The following BCDIN3D variants were observed in gnomAD, a reference collection of about 807,000 sequenced individuals.
BCDIN3D encodes BCDIN3 domain containing RNA methyltransferase.
A neutral mutation model predicts 21.2 loss-of-function variants in BCDIN3D; 15 were observed. That is an observed-to-expected ratio of 0.71 (90% CI 0.47 to 1.09). BCDIN3D has a LOEUF of 1.09. Ranked by LOEUF, BCDIN3D falls within the 50% of genes least tolerant of loss-of-function variation. The pLI is 0.00. For synonymous variants in BCDIN3D, 127 were observed against 141.9 expected (o/e 0.90, Z 0.75); for missense variants, 331 against 366.2 (o/e 0.90, Z 0.79).
intron 1 of BCDIN3D, chr12:49,839,657 T>A (rs566645690): frequency 1.3e-5 from 2 of 152,392 alleles, no homozygotes; most frequent in South Asian, 2.1e-4. Flanking sequence ...CATTAGCACC[T>A]TTTTTACTCT....
intron 1 of BCDIN3D, among the ~76,000 whole-genome samples, chr12:49,841,780 G>GT (rs1200917722): frequency 6.6e-6 from 1 of 152,142 alleles, no homozygotes; most frequent in Admixed American, 6.5e-5. Flanking sequence ...GGACAGCAAC[G>GT]TAACAGAATT....
chr12:49,842,536 A>C (rs865886870), intron 1 of BCDIN3D: 15 of 345,094 alleles, frequency 4.3e-5, no homozygotes, highest in Middle Eastern at 1.6e-3. Context: ...TGTCTCTGGA[A>C]GCCCCCTCTC....
rs769589383 is a variant in BCDIN3D, at chr12:49,838,587, G to C, written c.663C>G (p.Phe221Leu). Residue 221 changes from phenylalanine (F) to leucine (L), a missense_variant, in exon 2 of 2, where the codon TTC (phenylalanine) becomes TTG (leucine). Transcript: ENST00000333924. ...RKLGLHDFDH[F>L]HSLAIRGDMP... Reference sequence around the variant, plus strand: ...TGTCACCTCGGATGGCAAGGGAGTGGAAGTGGTCAAAATCATGGAGTCCCA... The same window carrying C: ...TGTCACCTCGGATGGCAAGGGAGTGCAAGTGGTCAAAATCATGGAGTCCCA... 1 of 1,614,088 alleles carries C rather than the reference G, an allele frequency of 6.2e-7. No homozygotes were observed. The highest frequency in any genetic ancestry group is 1.1e-5 in the South Asian group (1 of 91,082).
intron 1 of BCDIN3D, among the ~76,000 whole-genome samples, chr12:49,841,515 A>G (rs1266784759): frequency 2.6e-5 from 4 of 152,106 alleles, no homozygotes; most frequent in Non-Finnish European, 5.9e-5. Flanking sequence ...TGTGTATACT[A>G]CTCTCAACTT....
At chr12:49,841,151 G>A (rs751680055) in intron 1 of BCDIN3D, 2 of 152,036 alleles carry the variant, frequency 1.3e-5, no homozygotes, top group African/African-American at 2.4e-5. Flanking sequence ...AGAATTAAAA[G>A]CTACTAATAG....
chr12:49,840,306 A>AT (rs1946543051), intron 1 of BCDIN3D: 1 of 152,256 alleles, frequency 6.6e-6, no homozygotes, highest in African/African-American at 2.4e-5. Context: ...AAAGCAAGCC[A>AT]TAACAGAAAA....
chr12:49,838,857 A>G lies in BCDIN3D; in HGVS notation c.393T>C (p.Phe131=), dbSNP rs774536098. Residue 131 remains phenylalanine (F), a synonymous_variant, in exon 2 of 2, where the codon TTT becomes TTC. Transcript: ENST00000333924. ...TTTGATTCATGAAGTCCAGGGTGATAAAAGTCAAGGCATCAGGAAAAGGAC... is the reference window on the plus strand; with the variant it reads ...TTTGATTCATGAAGTCCAGGGTGATGAAAGTCAAGGCATCAGGAAAAGGAC... The part of the protein sequence containing the change: ...KECPFPDALT[F]ITLDFMNQRT... 6 of 1,614,126 alleles carry G rather than the reference A, an allele frequency of 3.7e-6. No individual in the cohort carries two copies. The African/African-American group carries it at 8.0e-5, about 22-fold the overall frequency.
At chr12:49,842,731 G>C in intron 1 of BCDIN3D, 123 bp downstream of exon 1, 2 of 897,340 alleles carry the variant, frequency 2.2e-6, no homozygotes. Context: ...CTCAGTCAAA[G>C]CCACGCTTTA....
intron 1 of BCDIN3D, chr12:49,840,667 T>G (rs537069074): frequency 6.6e-6 from 1 of 152,324 alleles, no homozygotes; most frequent in South Asian, 2.1e-4. Flanking sequence ...CACACCACCA[T>G]GCCCAGCTAA....
Position 49,838,245 on chromosome 12 carries a change from G to T in BCDIN3D, c.*126C>A. ...CTGATTCTTTCAATTATGTGCCTTGGACATTTTACCAAAAGCTCCTGCCAG... is the reference window on the plus strand; with the variant it reads ...CTGATTCTTTCAATTATGTGCCTTGTACATTTTACCAAAAGCTCCTGCCAG... On this transcript the variant is annotated 3_prime_UTR_variant, in exon 2 of 2. Transcript: ENST00000333924. The T allele has an allele frequency of 1.1e-6, 1 of 925,280 alleles. No homozygotes were observed. The highest frequency in any genetic ancestry group is 1.6e-6 in the Non-Finnish European group (1 of 613,884). The allele number at this position is 925,280 out of a possible 1,614,324, so 57.3% of individuals were successfully genotyped here.
Position 49,839,061 on chromosome 12 carries a change from G to A in BCDIN3D, c.235-46C>T, listed in dbSNP as rs200380097. Reference sequence around the variant, plus strand: ...TTTGTCACTGCAGTTCTCAATCAGTGAATGGAAGAGAAATCTGTATCATTC... The same window carrying A: ...TTTGTCACTGCAGTTCTCAATCAGTAAATGGAAGAGAAATCTGTATCATTC... On this transcript the variant is annotated intron_variant, in intron 1 of 1. Coordinates refer to ENST00000333924, the MANE Select transcript of BCDIN3D (RefSeq NM_181708.3). 6.0e-5 allele frequency: 93 copies of A among 1,553,498 alleles called. No individual in the cohort carries two copies. The African/African-American group carries it at 1.1e-3, about 19-fold the overall frequency.
In BCDIN3D at chr12:49,837,305, T is replaced by TTTG; in HGVS notation, c.*1065_*1066insCAA. 1.9e-5 allele frequency: 2 copies of TTTG among 103,140 alleles called. No individual in the cohort carries two copies. The highest frequency in any genetic ancestry group is 4.1e-5 in the Non-Finnish European group (2 of 49,366). The allele number at this position is 103,140 out of a possible 1,614,324, so 6.4% of individuals were successfully genotyped here. A position where few individuals can be genotyped will look rare whatever the true frequency, so the allele number is the denominator to read the frequency against. ...TTTTTGTTTTTTTTTTTTTTTTTTTTGAGACGGAGTCTCGCTCTGTCGCCC... is the reference window on the plus strand; with the variant it reads ...TTTTTGTTTTTTTTTTTTTTTTTTTTTTGGAGACGGAGTCTCGCTCTGTCGCCC... On this transcript the variant is annotated 3_prime_UTR_variant, in exon 2 of 2. Coordinates refer to ENST00000333924, the MANE Select transcript of BCDIN3D (RefSeq NM_181708.3).
Position 49,837,277 on chromosome 12 carries a change from TTTTTTTTG to T in BCDIN3D, c.*1086_*1093del, listed in dbSNP as rs1946512788. 5.2e-5 allele frequency: 6 copies of T among 114,478 alleles called. No individual in the cohort carries two copies. The highest frequency in any genetic ancestry group is 1.8e-4 in the African/African-American group (5 of 27,764). 7.1% of individuals were successfully genotyped at this position (114,478 alleles called of 1,614,324 possible). On this transcript the variant is annotated 3_prime_UTR_variant, in exon 2 of 2. Coordinates refer to ENST00000333924, the MANE Select transcript of BCDIN3D (RefSeq NM_181708.3). ...ACCATAAGCATGTAGGTAGTTGTTT[TTTTTTTTG>T]TTTTTTTTTTTTTTTTTTTTGAGAC...
rs748315472 is a variant in BCDIN3D, at chr12:49,839,014, T to C, written c.236A>G (p.Asp79Gly). ...LGLDVGCNSG[D>G]LSVALYKHFL... ...GTGTTTGTATAGAGCCACACTCAGA[T>C]CCTAGAGGAATCCAAAACAGCTTTG... Residue 79 changes from aspartate (D) to glycine (G), a missense_variant and splice_region_variant, in exon 2 of 2, where the codon GAT (aspartate) becomes GGT (glycine). Coordinates refer to ENST00000333924, the MANE Select transcript of BCDIN3D (RefSeq NM_181708.3). 2.4e-5 allele frequency: 38 copies of C among 1,607,344 alleles called. No individual in the cohort carries two copies. The highest frequency in any genetic ancestry group is 3.2e-5 in the Non-Finnish European group (38 of 1,176,066).
chr12:49,841,759 C>A (rs1946554852), intron 1 of BCDIN3D, among the ~76,000 whole-genome samples: 1 of 152,210 alleles, frequency 6.6e-6, no homozygotes, highest in African/African-American at 2.4e-5. Context: ...CCCAAAGTCT[C>A]TTCTGTAAAA....
At chr12:49,841,883 G>A (rs1253890011) in intron 1 of BCDIN3D, among the ~76,000 whole-genome samples, 1 of 152,224 alleles carries the variant, frequency 6.6e-6, no homozygotes, top group Non-Finnish European at 1.5e-5. Flanking sequence ...AGTTCAGACT[G>A]CCTGCTAGTG....
Position 49,842,952 on chromosome 12 carries a change from G to A in BCDIN3D, c.136C>T (p.Arg46Trp), listed in dbSNP as rs764296588. Residue 46 changes from arginine (R) to tryptophan (W), a missense_variant, in exon 1 of 2, where the codon CGG becomes TGG. Arg to Trp is a moderately radical substitution (Grantham distance 101). Transcript: ENST00000333924. ...AGCTCCGGGGGCAGGAGGCGGAGCC[G>A]TTGCTCCGGAGGGTGGAAGCGAGAA... ...HYSRFHPPEQ[R>W]LRLLPPELLR... is the part of the protein sequence containing the mutation. 30 of 1,614,088 alleles carry A rather than the reference G, an allele frequency of 1.9e-5. No individual in the cohort carries two copies. In the South Asian group the frequency reaches 3.2e-4, roughly 17 times the overall value.
chr12:49,842,762 C>T, intron 1 of BCDIN3D, 92 bp downstream of exon 1: 1 of 1,157,178 alleles, frequency 8.6e-7, no homozygotes, highest in Non-Finnish European at 1.2e-6. Flanking sequence ...GGGAAAGTTT[C>T]GATGGGTGTT....
intron 1 of BCDIN3D, chr12:49,840,764 G>A (rs1946546643): frequency 6.6e-6 from 1 of 151,590 alleles, no homozygotes; most frequent in African/African-American, 2.4e-5. Flanking sequence ...ACCAGCGTCA[G>A]TCTCTGAAAA....
Sources: allele counts gnomAD v4.1 joint callset (sites outside exome capture counted in the v4.1 genomes callset), GRCh38; gene constraint gnomAD v4.1.1; transcripts MANE v1.5; gene names NCBI Gene and HGNC (gene_info 2026-07-23, HGNC 2026-07-21).